OTUD5: variants seen among roughly 807,000 people sequenced by gnomAD.
OTUD5 encodes the protein OTU domain-containing protein 5.
A neutral mutation model predicts 36.3 loss-of-function variants in OTUD5; 2 were observed. The observed-to-expected ratio is 0.06, with a 90% CI of 0.02 to 0.17. The LOEUF is 0.17. Among genes scored for constraint, OTUD5 ranks in the 10% least tolerant of loss-of-function variants. OTUD5 has a pLI of 1.00. For missense variants in OTUD5, 233 were observed against 512.3 expected (o/e 0.45, Z 5.26); for synonymous variants, 234 against 214.9 (o/e 1.09, Z -0.78).
chrX:48,945,581 A>G (rs2064013427), intron 1 of OTUD5, among the ~76,000 whole-genome samples: 1 of 110,548 alleles, frequency 9.0e-6, no homozygotes, highest in South Asian at 3.8e-4. Context: ...AAAAGTCTTT[A>G]TCTAATTCAT....
chrX:48,953,007 G>A (rs2064173553), intron 1 of OTUD5, among the ~76,000 whole-genome samples: 1 of 112,223 alleles, frequency 8.9e-6, no homozygotes, highest in Non-Finnish European at 1.9e-5. Context: ...GGTGTGCAAG[G>A]TCAGACACAC....
At chrX:48,941,020 A>G (rs2063910540) in intron 2 of OTUD5, among the ~76,000 whole-genome samples, 1 of 111,533 alleles carries the variant, frequency 9.0e-6, no homozygotes, top group South Asian at 3.7e-4. Flanking sequence ...TCCCAACAAC[A>G]GAGGGCCACG....
intron 5 of OTUD5, among the ~76,000 whole-genome samples, chrX:48,929,461 C>CTGTAA (rs1557048358): frequency 9.0e-6 from 1 of 110,672 alleles, no homozygotes; most frequent in Admixed American, 9.7e-5. Flanking sequence ...TGGCTCATGC[C>CTGTAA]TGTAATCCCA....
chrX:48,925,389 G>A (rs1281375129), intron 6 of OTUD5, among the ~76,000 whole-genome samples: 2 of 101,381 alleles, frequency 2.0e-5, no homozygotes, highest in African/African-American at 3.7e-5. Flanking sequence ...GCCCCTCCCC[G>A]CTCCCCTAAC....
At chrX:48,947,299 C>T (rs1423209480) in intron 1 of OTUD5, among the ~76,000 whole-genome samples, 2 of 110,051 alleles carry the variant, frequency 1.8e-5, no homozygotes, top group Non-Finnish European at 3.8e-5. Flanking sequence ...GGAGAAGAAT[C>T]GCTTGAACCT....
rs782307085 is a variant in OTUD5 at position 48,935,108 on chromosome X, G to A, written c.689-90C>T. The A allele has an allele frequency of 2.0e-4, 179 of 877,883 alleles. No individual in the cohort carries two copies. The South Asian group carries it at 3.6e-3, about 18-fold the overall frequency. The allele number at this position is 877,883 out of a possible 1,213,427, so 72.3% of individuals were successfully genotyped here. A position where few individuals can be genotyped will look rare whatever the true frequency, so the allele number is the denominator to read the frequency against. On this transcript the variant is annotated intron_variant, in intron 2 of 8. Transcript: ENST00000376488. ...AACATCCTTTGGGGAGGAGGAACTG[G>A]GGGACCAGGGAAATTCCCTTTTCTA...
chrX:48,947,681 C>T (rs1557052727), intron 1 of OTUD5, among the ~76,000 whole-genome samples: 1 of 94,493 alleles, frequency 1.1e-5, no homozygotes, highest in Non-Finnish European at 2.1e-5. Context: ...CCAGCCTGGG[C>T]AATAAGAGCA....
intron 1 of OTUD5, among the ~76,000 whole-genome samples, chrX:48,951,046 G>A (rs1311812167): frequency 2.9e-5 from 3 of 104,765 alleles, no homozygotes; most frequent in African/African-American, 1.0e-4. Flanking sequence ...AGGGTGGGAG[G>A]TTAGAATTAA....
rs951806271 is a variant in OTUD5, at chrX:48,947,941, A to T, written c.595-3658T>A. ...AGGTAAGCAGGGAGGACCAGGAAGA[A>T]AGATGAACTCATATTAACTGAATAC... On this transcript the variant is annotated intron_variant, in intron 1 of 8. Coordinates refer to ENST00000376488, the MANE Select transcript of OTUD5 (RefSeq NM_001136157.2). Among the ~76,000 whole-genome samples the T allele has an allele frequency of 2.7e-5, 3 of 112,020 alleles. No homozygotes were observed. The South Asian group carries it at 1.1e-3, about 42-fold the overall frequency.
At chrX:48,956,252 C>A (rs944575098) in intron 1 of OTUD5, among the ~76,000 whole-genome samples, 11 of 111,453 alleles carry the variant, frequency 9.9e-5, no homozygotes, top group African/African-American at 3.3e-4. Context: ...AATCATATCT[C>A]CCTGTGAAAA....
chrX:48,954,127 TC>T (rs2064193611), intron 1 of OTUD5, among the ~76,000 whole-genome samples: 1 of 110,882 alleles, frequency 9.0e-6, no homozygotes, highest in South Asian at 3.8e-4. Context: ...ATTTTCATAT[TC>T]TTTTTTTTTT....
chrX:48,957,995 G>GC (rs1341318732), upstream of OTUD5: 3 of 165,174 alleles, frequency 1.8e-5, no homozygotes, highest in African/African-American at 3.1e-5. Context: ...GCACAGCCCC[G>GC]CCCCTTACTC....
At chrX:48,936,162 A>C (rs1557049925) in intron 2 of OTUD5, 1 of 109,923 alleles carries the variant, frequency 9.1e-6, no homozygotes, top group East Asian at 2.9e-4. Flanking sequence ...ACAGTCTAGT[A>C]AAAGAGATAA....
chrX:48,928,141 C>CA (rs1478478136), intron 5 of OTUD5, among the ~76,000 whole-genome samples: 1 of 112,469 alleles, frequency 8.9e-6, no homozygotes, highest in African/African-American at 3.2e-5. Flanking sequence ...GTAATGCTGA[C>CA]AACAGGAACT....
chrX:48,935,802 G>T (rs2063820322), intron 2 of OTUD5, among the ~76,000 whole-genome samples: 1 of 109,545 alleles, frequency 9.1e-6, no homozygotes, highest in East Asian at 2.9e-4. Flanking sequence ...AGCCGGGCAT[G>T]GTGGCGGGCG....
intron 1 of OTUD5, 69 bp downstream of exon 1, chrX:48,956,908 C>T: frequency 9.7e-7 from 1 of 1,032,863 alleles, no homozygotes; most frequent in South Asian, 2.8e-5. Flanking sequence ...AACAGCCTTC[C>T]TTGAGTCCCT....
chrX:48,928,546 T>C (rs1361820218), intron 5 of OTUD5, among the ~76,000 whole-genome samples: 4 of 111,205 alleles, frequency 3.6e-5, no homozygotes, highest in African/African-American at 9.8e-5. Flanking sequence ...AAAAAGCAAA[T>C]TGGCTGCAGG....
Position 48,934,461 on chromosome X carries a change from C to T in OTUD5, c.1059+3G>A. On this transcript the variant is annotated splice_donor_region_variant and intron_variant, in intron 5 of 8. Coordinates refer to ENST00000376488, the MANE Select transcript of OTUD5 (RefSeq NM_001136157.2). ...GCCATTCTGGGCACAGGGACCCACT[C>T]ACCCCTGGTTTGAATGATGGCAGGC... 8.3e-7 allele frequency: 1 copy of T among 1,208,267 alleles called. No homozygotes were observed. Among genetic ancestry groups the T allele is most frequent in the South Asian group, 1.8e-5 (1 of 56,651 alleles).
chrX:48,930,104 A>C (rs2063729286), intron 5 of OTUD5, among the ~76,000 whole-genome samples: 1 of 111,496 alleles, frequency 9.0e-6, no homozygotes, highest in African/African-American at 3.3e-5. Flanking sequence ...ACTCTGTCTC[A>C]AAAAATAATA....
Sources: gnomAD v4.1 joint callset for allele counts (sites outside exome capture counted in the v4.1 genomes callset) on GRCh38, gnomAD v4.1.1 for gene constraint, MANE v1.5 for transcripts, NCBI Gene and HGNC (gene_info 2026-07-23, HGNC 2026-07-21) for gene names.